The following TNRC6A variants were observed in gnomAD, a reference collection of about 807,000 sequenced individuals.
The protein encoded by TNRC6A is trinucleotide repeat containing adaptor 6A.
In TNRC6A, 44 loss-of-function variants were observed where a neutral mutation model predicts 221.2. That is an observed-to-expected ratio of 0.20 (90% CI 0.16 to 0.26). The LOEUF (loss-of-function observed/expected upper bound fraction) is 0.26, where lower values mean the gene tolerates loss of function less well. Ranked by LOEUF, TNRC6A falls within the 10% of genes least tolerant of loss-of-function variation. The pLI is 1.00. For synonymous variants in TNRC6A, 847 were observed against 838.5 expected (o/e 1.01, Z -0.18); for missense variants, 2,199 against 2,404.4 (o/e 0.91, Z 1.79).
In TNRC6A at chr16:24,777,057, GCAGCAGCAGCAA is replaced by G. The variant is rs780413327; in HGVS notation, c.299_310del (p.Gln100_Gln103del). On this transcript the variant is annotated inframe_deletion, in exon 5 of 25. Coordinates refer to ENST00000395799, the MANE Select transcript of TNRC6A (RefSeq NM_014494.4). Reference sequence around the variant, plus strand: ...CTACAGCCAACAATCAGCAGCCACAGCAGCAGCAGCAACAGCAGCAGCCGCAGCAGCAGCAGC... The same window carrying G: ...CTACAGCCAACAATCAGCAGCCACAGCAGCAGCAGCCGCAGCAGCAGCAGC... 5 of 1,605,382 alleles carry G rather than the reference GCAGCAGCAGCAA, an allele frequency of 3.1e-6. No individual in the cohort carries two copies. Among genetic ancestry groups the G allele is most frequent in the Middle Eastern group, 1.7e-4 (1 of 5,958 alleles).
At chr16:24,681,929 T>C (rs1208575094) in intron 2 of TNRC6A, among the ~76,000 whole-genome samples, 1 of 152,210 alleles carries the variant, frequency 6.6e-6, no homozygotes, top group African/African-American at 2.4e-5. Flanking sequence ...GTTGCCAAAC[T>C]CCTCTGTATT....
chr16:24,814,341 G>T (rs1279160663), intron 18 of TNRC6A, among the ~76,000 whole-genome samples: 1 of 151,772 alleles, frequency 6.6e-6, no homozygotes, highest in Non-Finnish European at 1.5e-5. Flanking sequence ...AACATGAATG[G>T]AGGAGACTTG....
chr16:24,748,349 CAT>C (rs2057058860), intron 2 of TNRC6A, among the ~76,000 whole-genome samples: 1 of 152,168 alleles, frequency 6.6e-6, no homozygotes, highest in South Asian at 2.1e-4. Flanking sequence ...CTGCTGCTCT[CAT>C]ATGCTGTGGC....
intron 22 of TNRC6A, 200 bp from the exon 23 acceptor site, chr16:24,821,877 C>T: frequency 1.7e-6 from 1 of 582,830 alleles, no homozygotes. Flanking sequence ...TCACTGTCGC[C>T]AGAGGCAGAG....
At chr16:24,688,078 G>A (rs2055678858) in intron 2 of TNRC6A, among the ~76,000 whole-genome samples, 1 of 150,456 alleles carries the variant, frequency 6.6e-6, no homozygotes, top group African/African-American at 2.4e-5. Context: ...GACTACAGGT[G>A]TCCACCACCA....
intron 2 of TNRC6A, among the ~76,000 whole-genome samples, chr16:24,700,970 A>G (rs141842896): frequency 5.3e-5 from 8 of 152,322 alleles, no homozygotes; most frequent in African/African-American, 1.7e-4. Context: ...AGGCTGCCCA[A>G]TGTGCTCTGG....
rs939306288 is a variant in TNRC6A at position 24,616,343 on chromosome 16, A to G, written n.276+5859A>G. 5.3e-4 allele frequency among the ~76,000 whole-genome samples: 57 copies of G among 106,676 alleles called. No individual in the cohort carries two copies. In the East Asian group the frequency reaches 0.017, roughly 31 times the overall value. The allele number at this position is 106,676 out of a possible 152,430, so 70.0% of individuals were successfully genotyped here. A position where few individuals can be genotyped will look rare whatever the true frequency, so the allele number is the denominator to read the frequency against. On this transcript the variant is annotated intron_variant and non_coding_transcript_variant, in intron 1 of 2. Coordinates refer to the TNRC6A transcript ENST00000566108. ...GCTGTCTCAAAAAAAAAAAAAAAAA[A>G]AGAAGAAGAAGAAGAAGAAAAGAAG...
At chr16:24,728,415 C>G (rs2056529179), upstream of TNRC6A, among the ~76,000 whole-genome samples, 1 of 151,734 alleles carries the variant, frequency 6.6e-6, no homozygotes, top group Admixed American at 6.6e-5. Flanking sequence ...CCACTGCACT[C>G]CAGCCTGGGA....
rs1471383300 is a variant in TNRC6A at position 24,815,171 on chromosome 16, T to C, written c.4697T>C (p.Leu1566Pro). 3.7e-6 allele frequency: 6 copies of C among 1,614,118 alleles called. No homozygotes were observed. Among genetic ancestry groups the C allele is most frequent in the Non-Finnish European group, 5.1e-6 (6 of 1,179,934 alleles). ...KHGAISSGFR[L>P]EESPFVPYDF... ...GGTGCTATTTCAAGTGGTTTCAGGCTGGAAGAGTCTCCATTTGTTCCCTAT... is the reference window on the plus strand; with the variant it reads ...GGTGCTATTTCAAGTGGTTTCAGGCCGGAAGAGTCTCCATTTGTTCCCTAT... The change falls in exon 19 of 25, where the codon CTG becomes CCG. Residue 1566 changes from leucine (L) to proline (P), a missense_variant. By Grantham distance (98) the Leu-to-Pro change is moderately conservative. Coordinates refer to ENST00000395799, the MANE Select transcript of TNRC6A (RefSeq NM_014494.4).
At chr16:24,660,026 T>C (rs1372961530) in intron 2 of TNRC6A, among the ~76,000 whole-genome samples, 2 of 152,220 alleles carry the variant, frequency 1.3e-5, no homozygotes, top group African/African-American at 4.8e-5. Context: ...TGGTGTCTGT[T>C]GGAAGCTGAT....
rs1342270695 is a variant in TNRC6A, at chr16:24,777,096, A to ACAG, written c.335_337dup (p.Gln112dup). On this transcript the variant is annotated inframe_insertion, in exon 5 of 25. Transcript: ENST00000395799. ...AGCAGCAGCCGCAGCAGCAGCAGCC[A>ACAG]CAGCAGCAGCCACAGCCGCAGCCGC... 3 of 1,445,108 alleles carry ACAG rather than the reference A, an allele frequency of 2.1e-6. No homozygotes were observed. The highest frequency in any genetic ancestry group is 2.9e-6 in the Non-Finnish European group (3 of 1,033,530). 89.5% of individuals were successfully genotyped at this position (1,445,108 alleles called of 1,614,324 possible). A position where few individuals can be genotyped will look rare whatever the true frequency, so the allele number is the denominator to read the frequency against.
intron 2 of TNRC6A, among the ~76,000 whole-genome samples, chr16:24,719,622 G>A (rs2056375058): frequency 1.4e-5 from 2 of 148,140 alleles, no homozygotes; most frequent in South Asian, 2.2e-4. Context: ...TCATGCCACT[G>A]TACTCTAGCC....
intron 2 of TNRC6A, chr16:24,663,864 C>T: frequency 4.4e-6 from 2 of 454,564 alleles, no homozygotes; most frequent in Non-Finnish European, 8.8e-6. Context: ...CGGCATGGCC[C>T]AAGGCCCCAG....
intron 1 of TNRC6A, among the ~76,000 whole-genome samples, chr16:24,636,463 TG>T (rs1044008287): frequency 6.6e-6 from 1 of 151,898 alleles, no homozygotes; most frequent in African/African-American, 2.4e-5. Flanking sequence ...CTCAAACTCC[TG>T]GGCTCAAGAG....
At chr16:24,642,766 G>A (rs1285197334) in intron 2 of TNRC6A, among the ~76,000 whole-genome samples, 1 of 152,130 alleles carries the variant, frequency 6.6e-6, no homozygotes. Flanking sequence ...GTTGCGGTGA[G>A]CTGAGATAGT....
chr16:24,633,010 G>GA (rs34901021), intron 1 of TNRC6A, among the ~76,000 whole-genome samples: 76,287 of 128,822 alleles, frequency 0.59, 22,043 homozygotes, highest in Non-Finnish European at 0.61. Context: ...ACTCAGTCTC[G>GA]AAAAAAAAAA....
chr16:24,773,865 T>C (rs1256822526), intron 4 of TNRC6A, among the ~76,000 whole-genome samples: 1 of 152,104 alleles, frequency 6.6e-6, no homozygotes, highest in Non-Finnish European at 1.5e-5. Flanking sequence ...CTCTCTACTT[T>C]TTTTTTTAAC....
intron 2 of TNRC6A, chr16:24,671,186 C>G (rs1168281495): frequency 5.8e-6 from 1 of 171,846 alleles, no homozygotes; most frequent in Non-Finnish European, 1.3e-5. Flanking sequence ...GTGTCTAAAC[C>G]ATTTGGGGTC....
chr16:24,719,526 G>C (rs892879312), intron 2 of TNRC6A, among the ~76,000 whole-genome samples: 1 of 151,992 alleles, frequency 6.6e-6, no homozygotes, highest in Non-Finnish European at 1.5e-5. Flanking sequence ...TGGGTGTGGC[G>C]ACAGGTCCCT....
Sources: gnomAD v4.1 joint callset for allele counts (sites outside exome capture counted in the v4.1 genomes callset) on GRCh38, gnomAD v4.1.1 for gene constraint, MANE v1.5 for transcripts, NCBI Gene and HGNC (gene_info 2026-07-23, HGNC 2026-07-21) for gene names.